Variants in ADGRL2 observed in about 807,000 individuals in gnomAD.
The protein encoded by ADGRL2 is adhesion G protein-coupled receptor L2, also known as calcium-independent alpha-latrotoxin receptor 2.
Under a neutral mutation model 157.4 loss-of-function variants are expected in ADGRL2, and 44 were observed. The ratio of observed to expected loss-of-function variants is 0.28; its 90% CI spans 0.22 to 0.36. ADGRL2 has a LOEUF of 0.36. Ranked by LOEUF, ADGRL2 falls within the 10% of genes least tolerant of loss-of-function variation. The pLI, the probability that ADGRL2 is intolerant of heterozygous loss-of-function variation, is 1.00. For synonymous variants in ADGRL2, 585 were observed against 624.7 expected, an observed-to-expected ratio of 0.94 and a Z score of 0.95; for missense variants, 1,510 against 1,768.9, an observed-to-expected ratio of 0.85 and a Z score of 2.63.
chr1:81,780,201 C>T (rs147838016), intron 2 of ADGRL2, among the ~76,000 whole-genome samples: 1 of 152,260 alleles, frequency 6.6e-6, no homozygotes, highest in African/African-American at 2.4e-5. Flanking sequence ...GCCTTCCAAT[C>T]AGCTTGATTG....
chr1:81,328,174 C>T (rs1000817233), intron 1 of ADGRL2, among the ~76,000 whole-genome samples: 4 of 152,100 alleles, frequency 2.6e-5, no homozygotes, highest in Admixed American at 6.6e-5. Context: ...GACTGAGTGC[C>T]AACATTTCTT....
rs1657676549 is a variant in ADGRL2, at chr1:81,968,166, T to C, written c.2490T>C (p.Asn830=). ...RTTCACSHLT[N]FAILMAHREI... ...CGTGTGCATGCAGCCACCTAACCAA[T>C]TTTGCAATTCTCATGGCCCACAGGG... The change falls in exon 14 of 24, where the codon AAT becomes AAC. Residue 830 remains asparagine (N), a synonymous_variant. Transcript: ENST00000686636. The C allele has an allele frequency of 1.9e-6, 3 of 1,612,266 alleles. No homozygotes were observed. Among genetic ancestry groups the C allele is most frequent in the Non-Finnish European group, 2.5e-6 (3 of 1,179,622 alleles).
chr1:81,681,962 G>A (rs1001185259), intron 3 of ADGRL2, among the ~76,000 whole-genome samples: 6 of 152,180 alleles, frequency 3.9e-5, no homozygotes, highest in Admixed American at 3.3e-4. Flanking sequence ...CCTAAATATA[G>A]TGGGGAGAAG....
At chr1:81,350,086 C>G (rs1238312467) in intron 1 of ADGRL2, among the ~76,000 whole-genome samples, 1 of 152,124 alleles carries the variant, frequency 6.6e-6, no homozygotes, top group Non-Finnish European at 1.5e-5. Context: ...GTTCACCTTT[C>G]TTTATTCCTC....
intron 16 of ADGRL2, among the ~76,000 whole-genome samples, chr1:81,971,204 C>T (rs955912971): frequency 6.6e-6 from 1 of 151,958 alleles, no homozygotes; most frequent in Non-Finnish European, 1.5e-5. Context: ...TTTGACTGTA[C>T]AGATGATGAA....
At chr1:81,802,516 A>G (rs35594624) in intron 1 of ADGRL2, among the ~76,000 whole-genome samples, 11,711 of 152,002 alleles carry the variant, frequency 0.077, 550 homozygotes, top group South Asian at 0.2. Flanking sequence ...GCATCAGTCT[A>G]GTTGCCGGGG....
intron 3 of ADGRL2, among the ~76,000 whole-genome samples, chr1:81,607,553 A>G (rs1295882125): frequency 6.7e-6 from 1 of 148,374 alleles, no homozygotes; most frequent in Non-Finnish European, 1.5e-5. Flanking sequence ...AGATGACACC[A>G]AAAAGTTCCA....
At chr1:81,415,886 G>C (rs1248504898) in intron 1 of ADGRL2, among the ~76,000 whole-genome samples, 1 of 149,328 alleles carries the variant, frequency 6.7e-6, no homozygotes, top group South Asian at 2.1e-4. Flanking sequence ...TGTCGCCCAG[G>C]CTGGAGTACA....
intron 1 of ADGRL2, among the ~76,000 whole-genome samples, chr1:81,361,616 G>T (rs1375506419): frequency 6.6e-6 from 1 of 151,860 alleles, no homozygotes; most frequent in Non-Finnish European, 1.5e-5. Flanking sequence ...TGTTAATTTT[G>T]AATTTCTTGC....
At chr1:81,638,150 A>G (rs1272640058) in intron 3 of ADGRL2, among the ~76,000 whole-genome samples, 1 of 151,694 alleles carries the variant, frequency 6.6e-6, no homozygotes, top group Non-Finnish European at 1.5e-5. Flanking sequence ...TAGTGAGAGA[A>G]AAAAAAAACT....
intron 3 of ADGRL2, among the ~76,000 whole-genome samples, chr1:81,608,991 G>A (rs994391866): frequency 2.0e-5 from 3 of 152,122 alleles, no homozygotes; most frequent in East Asian, 1.9e-4. Context: ...AGAAAGAGGA[G>A]GCGGGATGGA....
intron 4 of ADGRL2, among the ~76,000 whole-genome samples, chr1:81,937,499 T>C (rs139631310): frequency 1.3e-5 from 2 of 152,020 alleles, no homozygotes; most frequent in Admixed American, 6.6e-5. Context: ...TTTGTATAGT[T>C]TTCCTTCTAA....
At chr1:81,351,153 T>C (rs1398740519) in intron 1 of ADGRL2, among the ~76,000 whole-genome samples, 1 of 152,108 alleles carries the variant, frequency 6.6e-6, no homozygotes, top group African/African-American at 2.4e-5. Flanking sequence ...GTTTAACGCT[T>C]GGCAGTTTAA....
rs146226364 is a variant in ADGRL2, at chr1:81,377,528, G to T, written c.-301-67508G>T. 5.9e-5 allele frequency among the ~76,000 whole-genome samples: 9 copies of T among 152,150 alleles called. No homozygotes were observed. The East Asian group carries it at 1.7e-3, about 30-fold the overall frequency. On this transcript the variant is annotated intron_variant, in intron 1 of 24. Coordinates refer to the ADGRL2 transcript ENST00000370721. The stretch of plus-strand genomic sequence containing the variant: ...ATACTCAAACTAAGAAGGCAGGAAA[G>T]GTGTTATCCCAGCAGCAACGTAGAG...
In ADGRL2 at chr1:81,956,021, T is replaced by A; in HGVS notation, c.1978T>A (p.Leu660Ile). Reference sequence around the variant, plus strand: ...AGCTTTTGTCCTAGCTGACAATCTTTTAGAACCAACAAGGGTCTCAATGCC... The same window carrying A: ...AGCTTTTGTCCTAGCTGACAATCTTATAGAACCAACAAGGGTCTCAATGCC... ...EGAFVLADNLLEPTRVSMPTE... is the reference protein window; with the variant it reads ...EGAFVLADNLIEPTRVSMPTE... The change falls in exon 11 of 24, where the codon TTA becomes ATA. Residue 660 changes from leucine (L) to isoleucine (I), a missense_variant. Physicochemically the swap from Leu to Ile is conservative, Grantham distance 5. This residue lies in a region of ADGRL2 where 325 missense variants were observed against 333.2 expected (regional missense o/e 0.98). Transcript: ENST00000686636. 1 of 1,610,238 alleles carries A rather than the reference T, an allele frequency of 6.2e-7. No individual in the cohort carries two copies. The highest frequency in any genetic ancestry group is 8.5e-7 in the Non-Finnish European group (1 of 1,178,542).
chr1:81,821,271 C>G (rs1414158494), intron 1 of ADGRL2, among the ~76,000 whole-genome samples: 2 of 152,120 alleles, frequency 1.3e-5, no homozygotes, highest in Non-Finnish European at 2.9e-5. Flanking sequence ...GTGTAACCAT[C>G]TAGTTACTTA....
At chr1:81,590,181 G>A (rs190490469) in intron 3 of ADGRL2, among the ~76,000 whole-genome samples, 15 of 152,228 alleles carry the variant, frequency 9.9e-5, no homozygotes, top group African/African-American at 2.9e-4. Context: ...CAGCATCTCC[G>A]TCAGTCAATA....
At chr1:81,504,011 C>G (rs553334554) in intron 2 of ADGRL2, among the ~76,000 whole-genome samples, 8 of 152,108 alleles carry the variant, frequency 5.3e-5, no homozygotes, top group Non-Finnish European at 1.2e-4. Context: ...TCCTGGGGTA[C>G]GGGTCCCTCA....
chr1:81,775,960 T>C (rs1224497381), intron 2 of ADGRL2, among the ~76,000 whole-genome samples: 4 of 152,188 alleles, frequency 2.6e-5, no homozygotes, highest in Non-Finnish European at 5.9e-5. Flanking sequence ...ACGAACTAAC[T>C]ACCTAGTCCT....
Sources: gnomAD v4.1 joint callset for allele counts (sites outside exome capture counted in the v4.1 genomes callset) on GRCh38, gnomAD v4.1.1 for gene constraint, gnomAD v4.1.1 regional missense constraint, MANE v1.5 for transcripts, NCBI Gene and HGNC (gene_info 2026-07-23, HGNC 2026-07-21) for gene names.